TEX11: variants seen among roughly 807,000 people sequenced by gnomAD.
TEX11 encodes the protein testis-expressed protein 11.
TEX11 carries 7 observed loss-of-function variants against 84.4 expected under a neutral mutation model. The ratio of observed to expected loss-of-function variants is 0.08; its 90% CI spans 0.05 to 0.16. The LOEUF (loss-of-function observed/expected upper bound fraction) is 0.16, where lower values mean the gene tolerates loss of function less well. TEX11 is among the 10% of genes least tolerant of loss of function. The pLI, the probability that TEX11 is intolerant of heterozygous loss-of-function variation, is 1.00. For missense variants in TEX11, 551 were observed against 660.5 expected (o/e 0.83, Z 1.82); for synonymous variants, 264 against 222.8 (o/e 1.18, Z -1.64).
At chrX:70,648,455 T>C (rs1015753810) in intron 17 of TEX11, among the ~76,000 whole-genome samples, 1 of 110,597 alleles carries the variant, frequency 9.0e-6, no homozygotes, top group Non-Finnish European at 1.9e-5. Context: ...TTGTTCATGA[T>C]CAATATATAT....
In TEX11 at chrX:70,553,341, G is replaced by A; in HGVS notation, c.2364C>T (p.Tyr788=). The A allele has an allele frequency of 8.3e-7, 1 of 1,206,784 alleles. No homozygotes were observed. Among genetic ancestry groups the A allele is most frequent in the Non-Finnish European group, 1.1e-6 (1 of 892,327 alleles). Residue 788 remains tyrosine, a synonymous_variant, in exon 27 of 30, where the codon TAC becomes TAT. Coordinates refer to ENST00000374333, the MANE Select transcript of TEX11 (RefSeq NM_031276.3). ...ATATATCAATTGGTTCTTCCTTTTT[G>A]TAGAGCAATAAAGCCTTTTTCAAGG... ...LKALKKALLL[Y]KKEEPIDISQ...
intron 9 of TEX11, among the ~76,000 whole-genome samples, chrX:70,803,574 G>A (rs890386952): frequency 2.1e-4 from 24 of 111,795 alleles, no homozygotes; most frequent in East Asian, 5.6e-4. Context: ...AAAAAAATTC[G>A]AATATACTAC....
At chrX:70,645,550 A>G (rs1283535857) in intron 17 of TEX11, among the ~76,000 whole-genome samples, 2 of 46,541 alleles carry the variant, frequency 4.3e-5, no homozygotes, top group African/African-American at 8.8e-5. Context: ...AGAGGCAATG[A>G]AAAAAAATTT....
chrX:70,854,479 C>T (rs993070697), intron 5 of TEX11, among the ~76,000 whole-genome samples: 3 of 111,436 alleles, frequency 2.7e-5, no homozygotes, highest in Admixed American at 9.5e-5. Context: ...GCCTGTAATC[C>T]TAGCAGTTTG....
intron 18 of TEX11, 116 bp downstream of exon 18, chrX:70,629,495 A>G: frequency 1.2e-6 from 1 of 869,301 alleles, no homozygotes; most frequent in Non-Finnish European, 1.6e-6. Flanking sequence ...GCATGAAAAT[A>G]TGAGGCAAAA....
At position 70,789,187 on chromosome X, in the gene TEX11, A is replaced by C. The variant is rs183654832; in HGVS notation, c.692+17518T>G. On this transcript the variant is annotated intron_variant, in intron 9 of 29. Coordinates refer to ENST00000374333, the MANE Select transcript of TEX11 (RefSeq NM_031276.3). ...ACAACACGACCCTGTCTCAAAAAAA[A>C]AAAAGTTGGCAAGAAAAGTGAATAC... Among the ~76,000 whole-genome samples, 251 of 107,427 alleles carry C rather than the reference A, an allele frequency of 2.3e-3. 1 individual carries two copies. The highest frequency in any genetic ancestry group is 2.6e-3 in the Non-Finnish European group (133 of 52,058). The allele number at this position is 107,427 out of a possible 115,157, so 93.3% of individuals were successfully genotyped here.
chrX:70,679,088 G>A (rs1374298509), intron 14 of TEX11, among the ~76,000 whole-genome samples, 199 bp from the exon 15 acceptor site: 30 of 112,280 alleles, frequency 2.7e-4, no homozygotes, highest in African/African-American at 9.3e-4. Context: ...GCAGGCGCGC[G>A]CCGCCACGCC....
intron 2 of TEX11, among the ~76,000 whole-genome samples, chrX:70,897,851 A>G (rs2091781903): frequency 8.9e-6 from 1 of 111,795 alleles, no homozygotes; most frequent in Non-Finnish European, 1.9e-5. Context: ...ACATGCATCA[A>G]TGAACCAACT....
In TEX11 at chrX:70,740,814, AG is replaced by A; in HGVS notation, c.748-19del. On this transcript the variant is annotated intron_variant, in intron 10 of 29. Transcript: ENST00000374333. ...ACTTTAGCCTGTAAGAAAAAAAAAA[AG>A]AAAAAAAGCACATATCTGATGGTTA... is the stretch of plus-strand genomic sequence containing the variant. The A allele has an allele frequency of 9.2e-7, 1 of 1,085,979 alleles. No homozygotes were observed. 89.5% of individuals were successfully genotyped at this position (1,085,979 alleles called of 1,213,427 possible).
intron 13 of TEX11, among the ~76,000 whole-genome samples, chrX:70,704,926 T>C (rs2090357748): frequency 8.9e-6 from 1 of 112,044 alleles, no homozygotes; most frequent in Admixed American, 9.5e-5. Flanking sequence ...TTTATGGTTT[T>C]AGGTCTAACA....
intron 24 of TEX11, among the ~76,000 whole-genome samples, chrX:70,599,476 G>A (rs1337987942): frequency 9.0e-6 from 1 of 110,550 alleles, no homozygotes; most frequent in African/African-American, 3.3e-5. Flanking sequence ...TGAGGGTTTA[G>A]AGAACAGGGA....
the TEX11 span, among the ~76,000 whole-genome samples, chrX:70,517,202 T>C: frequency 8.9e-6 from 1 of 111,761 alleles, no homozygotes; most frequent in Admixed American, 9.6e-5. Flanking sequence ...CTGGTGCAGG[T>C]TTTCAAAGGG....
chrX:70,686,715 CA>C (rs1461715466), intron 13 of TEX11, among the ~76,000 whole-genome samples: 6 of 106,547 alleles, frequency 5.6e-5, no homozygotes, highest in Non-Finnish European at 1.2e-4. Flanking sequence ...AAAAAAAATA[CA>C]GAATGCCCCA....
chrX:70,513,391 T>C, the TEX11 span, among the ~76,000 whole-genome samples: 4 of 105,232 alleles, frequency 3.8e-5, 1 homozygote, highest in African/African-American at 1.4e-4. Flanking sequence ...ATAATATATG[T>C]AATGTATATT....
intron 17 of TEX11, among the ~76,000 whole-genome samples, chrX:70,647,222 TAGAATGGTGGTTACCAG>T (rs778818862): frequency 1.8e-5 from 2 of 111,522 alleles, no homozygotes; most frequent in African/African-American, 6.5e-5. Context: ...AGAAGCAAAG[TAGAATGGTGGTTACCAG>T]GGACTAAGGA....
At chrX:70,663,150 A>G (rs1311973905) in intron 16 of TEX11, among the ~76,000 whole-genome samples, 3 of 111,604 alleles carry the variant, frequency 2.7e-5, no homozygotes, top group Non-Finnish European at 5.7e-5. Flanking sequence ...TATTTCAGAA[A>G]AATGTGGGCA....
chrX:70,578,301 G>C (rs2088707524), intron 25 of TEX11, among the ~76,000 whole-genome samples: 1 of 112,029 alleles, frequency 8.9e-6, no homozygotes, highest in African/African-American at 3.2e-5. Context: ...CTGGGAATGT[G>C]ATTATATGGT....
chrX:70,637,268 T>C (rs1427456194), intron 17 of TEX11, among the ~76,000 whole-genome samples: 2 of 112,165 alleles, frequency 1.8e-5, no homozygotes, highest in African/African-American at 6.5e-5. Context: ...GGCAAGGTTG[T>C]GTGTGGAGAA....
chrX:70,599,596 T>C (rs933061701), intron 24 of TEX11, among the ~76,000 whole-genome samples: 8 of 109,281 alleles, frequency 7.3e-5, no homozygotes, highest in Admixed American at 1.9e-4. Context: ...TGTATACATG[T>C]GCCATGCTGG....
Sources: gnomAD v4.1 joint callset for allele counts (sites outside exome capture counted in the v4.1 genomes callset) on GRCh38, gnomAD v4.1.1 for gene constraint, MANE v1.5 for transcripts, NCBI Gene and HGNC (gene_info 2026-07-23, HGNC 2026-07-21) for gene names.